Variants in ADAM10 observed in about 807,000 individuals in gnomAD.
ADAM10 encodes disintegrin and metalloproteinase domain-containing protein 10.
Under a neutral mutation model 90.1 loss-of-function variants are expected in ADAM10, and 17 were observed. The observed-to-expected ratio is 0.19, with a 90% CI of 0.13 to 0.28. The LOEUF (loss-of-function observed/expected upper bound fraction) is 0.28. ADAM10 is among the 10% of genes least tolerant of loss of function. The pLI, the probability that ADAM10 is intolerant of heterozygous loss-of-function variation, is 1.00. For synonymous variants in ADAM10, 310 were observed against 298.6 expected (o/e 1.04, Z -0.40); for missense variants, 610 against 914.3 (o/e 0.67, Z 4.29).
At chr15:58,739,040 C>T (rs978256589) in intron 1 of ADAM10, among the ~76,000 whole-genome samples, 4 of 152,030 alleles carry the variant, frequency 2.6e-5, no homozygotes, top group Non-Finnish European at 4.4e-5. Context: ...CCAAAACATC[C>T]GCCACTGCCC....
chr15:58,675,008 C>A (rs1897279850), intron 4 of ADAM10, among the ~76,000 whole-genome samples: 1 of 152,168 alleles, frequency 6.6e-6, no homozygotes, highest in Non-Finnish European at 1.5e-5. Flanking sequence ...CCATCCTGGC[C>A]AACATGGTGA....
In ADAM10 at chr15:58,597,627, T is replaced by A; in HGVS notation, c.2167A>T (p.Arg723Trp). Reference protein sequence around the residue: ...PKPLPGTLKRRRPPQPIQQPQ... With the variant: ...PKPLPGTLKRWRPPQPIQQPQ... Reference sequence around the variant, plus strand: ...TGCTGAATGGGCTGTGGAGGTCTCCTCCTCTTTAAAGTGCCTGTGAGCCAC... The same window carrying A: ...TGCTGAATGGGCTGTGGAGGTCTCCACCTCTTTAAAGTGCCTGTGAGCCAC... The change falls in exon 16 of 16, where the codon AGG becomes TGG. Residue 723 changes from arginine (R) to tryptophan (W), a missense_variant. Physicochemically the swap from Arg to Trp is moderately radical, Grantham distance 101 (BLOSUM62 -3). This residue lies in a region of ADAM10 where 150 missense variants were observed against 268.5 expected (regional missense o/e 0.56). Transcript: ENST00000260408. The A allele has an allele frequency of 6.2e-7, 1 of 1,614,088 alleles. No individual in the cohort carries two copies. The highest frequency in any genetic ancestry group is 8.5e-7 in the Non-Finnish European group (1 of 1,180,006).
In ADAM10 at chr15:58,621,865, C is replaced by T. The variant is rs59259038; in HGVS notation, c.1361-244G>A. ...ACAGTGAGAGGATTTGACAGAGGGT[C>T]CCTTCTAGAAGCTGTAACTTGCAAC... On this transcript the variant is annotated intron_variant, in intron 10 of 15. Transcript: ENST00000260408. Among the ~76,000 whole-genome samples the T allele has an allele frequency of 2.6e-3, 393 of 152,242 alleles. 1 individual carries two copies. Among genetic ancestry groups the T allele is most frequent in the African/African-American group, 3.7e-3 (152 of 41,548 alleles).
intron 1 of ADAM10, among the ~76,000 whole-genome samples, chr15:58,720,369 C>CTTTTA (rs774200669): frequency 4.0e-4 from 49 of 121,690 alleles, no homozygotes; most frequent in African/African-American, 6.1e-4. Flanking sequence ...TAGCATGAAA[C>CTTTTA]TTTTATTTTA....
At chr15:58,686,275 T>A (rs999220373) in intron 2 of ADAM10, 1 of 580,022 alleles carries the variant, frequency 1.7e-6, no homozygotes, top group Admixed American at 3.0e-5. Flanking sequence ...CAGACTTTGT[T>A]GTCATTTAAT....
intron 1 of ADAM10, among the ~76,000 whole-genome samples, chr15:58,745,039 C>A (rs1206725072): frequency 1.3e-5 from 2 of 152,144 alleles, no homozygotes; most frequent in Non-Finnish European, 2.9e-5. Flanking sequence ...AAAAATTAGC[C>A]AGGCGTGGTG....
chr15:58,700,947 A>G (rs535290031), intron 2 of ADAM10, among the ~76,000 whole-genome samples: 58 of 150,834 alleles, frequency 3.8e-4, no homozygotes, highest in African/African-American at 1.3e-3. Flanking sequence ...CAAGCTTGCA[A>G]TGAGCTATGA....
Position 58,645,076 on chromosome 15 carries a change from T to C in ADAM10, c.735+979A>G, listed in dbSNP as rs1054198044. Among the ~76,000 whole-genome samples, 6 of 152,306 alleles carry C rather than the reference T, an allele frequency of 3.9e-5. No homozygotes were observed. In the East Asian group the frequency reaches 7.7e-4, roughly 20 times the overall value. ...CCATTTATGTGAAAACATGTATGTATAGTCTCAAAGTTATTTTCAAAGAAA... is the reference window on the plus strand; with the variant it reads ...CCATTTATGTGAAAACATGTATGTACAGTCTCAAAGTTATTTTCAAAGAAA... On this transcript the variant is annotated intron_variant, in intron 6 of 15. Transcript: ENST00000260408.
chr15:58,683,098 G>A (rs1351596829), intron 2 of ADAM10, among the ~76,000 whole-genome samples: 1 of 152,142 alleles, frequency 6.6e-6, no homozygotes, highest in South Asian at 2.1e-4. Flanking sequence ...AAATATTAGA[G>A]ATTTTATAAC....
chr15:58,668,770 G>A (rs1043806268), intron 4 of ADAM10, among the ~76,000 whole-genome samples: 4 of 152,028 alleles, frequency 2.6e-5, no homozygotes, highest in African/African-American at 9.7e-5. Flanking sequence ...TCTCTTTCCT[G>A]TATATTCACA....
intron 1 of ADAM10, among the ~76,000 whole-genome samples, chr15:58,738,904 T>G (rs1899514460): frequency 6.6e-6 from 1 of 152,216 alleles, no homozygotes; most frequent in Non-Finnish European, 1.5e-5. Flanking sequence ...AGTATGACTT[T>G]CAACCTGCCT....
chr15:58,723,713 A>G (rs1425824115), intron 1 of ADAM10, among the ~76,000 whole-genome samples: 1 of 152,090 alleles, frequency 6.6e-6, no homozygotes, highest in Non-Finnish European at 1.5e-5. Flanking sequence ...CTCAAAAAAT[A>G]AAAAATAAAA....
At chr15:58,665,655 A>G (rs1897062442) in intron 4 of ADAM10, among the ~76,000 whole-genome samples, 2 of 151,856 alleles carry the variant, frequency 1.3e-5, no homozygotes, top group South Asian at 4.2e-4. Context: ...CCCACCCCTC[A>G]TTTCACAAAA....
intron 1 of ADAM10, chr15:58,748,733 C>T (rs1404051156): frequency 2.5e-6 from 1 of 392,236 alleles, no homozygotes; most frequent in African/African-American, 2.1e-5. Flanking sequence ...AAATGGTTTA[C>T]CCTTCTCCCG....
chr15:58,620,165 G>A (rs190225120), intron 11 of ADAM10, among the ~76,000 whole-genome samples: 9 of 151,842 alleles, frequency 5.9e-5, no homozygotes, highest in Admixed American at 1.3e-4. Flanking sequence ...CAGACCAGCC[G>A]TTTAAAACAT....
intron 6 of ADAM10, among the ~76,000 whole-genome samples, chr15:58,645,319 A>G (rs138730856): frequency 3.1e-4 from 47 of 152,246 alleles, no homozygotes; most frequent in African/African-American, 1.1e-3. Context: ...TGTTTTCCTC[A>G]CTAGCTTCTC....
intron 1 of ADAM10, among the ~76,000 whole-genome samples, chr15:58,720,046 T>C (rs1595654159): frequency 6.6e-6 from 1 of 152,182 alleles, no homozygotes; most frequent in Admixed American, 6.5e-5. Context: ...AAAACAAAAC[T>C]GGGTTGAATT....
chr15:58,602,922 A>T (rs2140990268), intron 14 of ADAM10, among the ~76,000 whole-genome samples: 1 of 152,380 alleles, frequency 6.6e-6, no homozygotes, highest in East Asian at 1.9e-4. Context: ...TTTCAAGAGA[A>T]GCAATATATC....
intron 8 of ADAM10, among the ~76,000 whole-genome samples, chr15:58,638,808 C>T (rs1896340576): frequency 6.6e-6 from 1 of 151,906 alleles, no homozygotes; most frequent in African/African-American, 2.4e-5. Flanking sequence ...CAGACAGATT[C>T]CAAATAGGGG....
Sources: gnomAD v4.1 joint callset for allele counts (sites outside exome capture counted in the v4.1 genomes callset) on GRCh38, gnomAD v4.1.1 for gene constraint, gnomAD v4.1.1 regional missense constraint, MANE v1.5 for transcripts, NCBI Gene and HGNC (gene_info 2026-07-23, HGNC 2026-07-21) for gene names.